Variants in PARD3 observed in about 807,000 individuals in gnomAD.
PARD3 encodes partitioning defective 3 homolog.
In PARD3, 75 loss-of-function variants were observed where a neutral mutation model predicts 155.4. That is an observed-to-expected ratio of 0.48 (90% CI 0.40 to 0.58). PARD3 has a LOEUF of 0.58. PARD3 is among the 20% of genes least tolerant of loss of function. The pLI, the probability that PARD3 is intolerant of heterozygous loss-of-function variation, is 0.00. For missense variants in PARD3, 1,642 were observed against 1,721.7 expected, an observed-to-expected ratio of 0.95 and a Z score of 0.82; for synonymous variants, 576 against 610.5, an observed-to-expected ratio of 0.94 and a Z score of 0.83.
At chr10:34,218,522 C>T (rs1276175845) in intron 22 of PARD3, among the ~76,000 whole-genome samples, 1 of 152,132 alleles carries the variant, frequency 6.6e-6, no homozygotes. Context: ...TGAGATGTGC[C>T]CAAGTAACAG....
chr10:34,253,915 A>G (rs148012793), intron 22 of PARD3, among the ~76,000 whole-genome samples: 12 of 152,280 alleles, frequency 7.9e-5, no homozygotes, highest in Non-Finnish European at 7.4e-5. Flanking sequence ...TATGACGGGC[A>G]GCAGAGACTT....
At chr10:34,169,064 T>C (rs1949668330) in intron 22 of PARD3, among the ~76,000 whole-genome samples, 1 of 152,204 alleles carries the variant, frequency 6.6e-6, no homozygotes, top group Non-Finnish European at 1.5e-5. Context: ...CTATGTAAAA[T>C]GCCTCTTCTG....
chr10:34,742,426 C>T (rs1256426471), intron 1 of PARD3, among the ~76,000 whole-genome samples: 1 of 152,200 alleles, frequency 6.6e-6, no homozygotes, highest in Non-Finnish European at 1.5e-5. Flanking sequence ...AACAGATCTC[C>T]ACGTTTGCAG....
At chr10:34,170,690 T>C (rs964607830) in intron 22 of PARD3, among the ~76,000 whole-genome samples, 1 of 152,102 alleles carries the variant, frequency 6.6e-6, no homozygotes, top group Admixed American at 6.6e-5. Context: ...AAGCCATCTT[T>C]CTAGATAAAG....
intron 22 of PARD3, among the ~76,000 whole-genome samples, chr10:34,234,811 A>AG (rs1953128963): frequency 6.6e-6 from 1 of 152,252 alleles, no homozygotes; most frequent in Non-Finnish European, 1.5e-5. Context: ...GTAAATGGAT[A>AG]TCATTCTTAT....
intron 1 of PARD3, among the ~76,000 whole-genome samples, chr10:34,795,159 A>G (rs995166054): frequency 6.6e-6 from 1 of 152,240 alleles, no homozygotes; most frequent in African/African-American, 2.4e-5. Flanking sequence ...GGAAGCCTCT[A>G]TGCTGGAGAC....
intron 24 of PARD3, among the ~76,000 whole-genome samples, chr10:34,116,670 T>C (rs1195111645): frequency 6.6e-6 from 1 of 152,252 alleles, no homozygotes; most frequent in Non-Finnish European, 1.5e-5. Flanking sequence ...AAGAAGATAC[T>C]GCAGAAACCT....
At chr10:34,335,722 G>C (rs759213638) in intron 18 of PARD3, among the ~76,000 whole-genome samples, 1 of 151,998 alleles carries the variant, frequency 6.6e-6, no homozygotes, top group Non-Finnish European at 1.5e-5. Flanking sequence ...ATGCCTTTCT[G>C]AATGACTAAT....
chr10:34,328,060 T>G lies in PARD3; in HGVS notation c.2833+3057A>C, dbSNP rs78743458. ...CGAAGGAGGGCTAACTGAGCCAGCC[T>G]TCTTTCCAAAGCTGGAGGCAGAAAG... On this transcript the variant is annotated intron_variant, in intron 19 of 24. Transcript: ENST00000374788. Among the ~76,000 whole-genome samples, 262 of 152,328 alleles carry G rather than the reference T, an allele frequency of 1.7e-3. 3 individuals carry two copies. The highest frequency in any genetic ancestry group is 6.0e-3 in the African/African-American group (251 of 41,572).
chr10:34,179,029 C>CCAGTTCACCT (rs1428061372), intron 22 of PARD3, among the ~76,000 whole-genome samples: 1 of 152,094 alleles, frequency 6.6e-6, no homozygotes, highest in African/African-American at 2.4e-5. Flanking sequence ...GCCTCACCTC[C>CCAGTTCACCT]CAGGGGAACT....
chr10:34,744,569 CTT>C (rs1484301617), intron 1 of PARD3, among the ~76,000 whole-genome samples: 1 of 152,216 alleles, frequency 6.6e-6, no homozygotes, highest in Non-Finnish European at 1.5e-5. Context: ...ACTGGAATCT[CTT>C]GATTTAACTT....
At chr10:34,153,136 A>G (rs905605762) in intron 22 of PARD3, among the ~76,000 whole-genome samples, 9 of 152,200 alleles carry the variant, frequency 5.9e-5, no homozygotes, top group African/African-American at 2.2e-4. Flanking sequence ...GTTTTCCTCT[A>G]TCACCCTGGC....
chr10:34,522,331 G>C (rs1013125553), intron 2 of PARD3, among the ~76,000 whole-genome samples: 1 of 152,108 alleles, frequency 6.6e-6, no homozygotes, highest in African/African-American at 2.4e-5. Context: ...CTAGAGCCTC[G>C]AGAAAGGAGC....
chr10:34,771,510 A>G (rs927845947), intron 1 of PARD3, among the ~76,000 whole-genome samples: 1 of 152,262 alleles, frequency 6.6e-6, no homozygotes, highest in Non-Finnish European at 1.5e-5. Flanking sequence ...TATTTCTGTC[A>G]GCGTGTTAAT....
chr10:34,682,115 T>A (rs1029807495), intron 2 of PARD3, among the ~76,000 whole-genome samples: 1 of 152,020 alleles, frequency 6.6e-6, no homozygotes, highest in Non-Finnish European at 1.5e-5. Flanking sequence ...AGCCAAGAGA[T>A]CCCTGTTGAC....
intron 5 of PARD3, among the ~76,000 whole-genome samples, chr10:34,445,787 T>TAA (rs74758211): frequency 2.1e-5 from 3 of 144,472 alleles, no homozygotes; most frequent in African/African-American, 7.5e-5. Context: ...TTGCAGTATT[T>TAA]AAAAAAAAAA....
chr10:34,416,929 A>G lies in PARD3; in HGVS notation c.715-15012T>C, dbSNP rs1000444590. On this transcript the variant is annotated intron_variant, in intron 5 of 24. Coordinates refer to ENST00000374788, the MANE Select transcript of PARD3 (RefSeq NM_001184785.2). ...AAGCTGTCCTTCATCATTCCTGGCC[A>G]TAGGCCAAGCTAACTTTGGGAGGAA... 4.6e-4 allele frequency among the ~76,000 whole-genome samples: 70 copies of G among 152,242 alleles called. 1 individual carries two copies. The highest frequency in any genetic ancestry group is 1.6e-3 in the African/African-American group (66 of 41,460).
At chr10:34,408,031 G>GT (rs1398326550) in intron 5 of PARD3, among the ~76,000 whole-genome samples, 2 of 151,948 alleles carry the variant, frequency 1.3e-5, no homozygotes, top group African/African-American at 4.8e-5. Context: ...ACTTAATCTA[G>GT]AAACCAGTCA....
chr10:34,128,164 CCTGAA>C (rs2132744824), intron 23 of PARD3, among the ~76,000 whole-genome samples: 1 of 152,256 alleles, frequency 6.6e-6, no homozygotes, highest in East Asian at 1.9e-4. Flanking sequence ...ATCTTCCTCA[CCTGAA>C]CTAAGTTAAA....
Sources: allele counts gnomAD v4.1 joint callset (sites outside exome capture counted in the v4.1 genomes callset), GRCh38; gene constraint gnomAD v4.1.1; transcripts MANE v1.5; gene names NCBI Gene and HGNC (gene_info 2026-07-23, HGNC 2026-07-21).